The following NEK11 variants were observed in gnomAD, a reference collection of about 807,000 sequenced individuals.
NEK11 encodes the protein serine/threonine-protein kinase Nek11.
Under a neutral mutation model 80.7 loss-of-function variants are expected in NEK11, and 72 were observed. The ratio of observed to expected loss-of-function variants is 0.89; its 90% CI spans 0.74 to 1.08. NEK11 has a LOEUF of 1.08. Among genes scored for constraint, NEK11 ranks in the 50% least tolerant of loss-of-function variants. NEK11 has a pLI of 0.00. For synonymous variants in NEK11, 251 were observed against 260.7 expected (o/e 0.96, Z 0.36); for missense variants, 764 against 763.6 (o/e 1.00, Z -0.01).
intron 5 of NEK11, among the ~76,000 whole-genome samples, chr3:131,122,815 C>T (rs576837691): frequency 1.3e-5 from 2 of 149,440 alleles, no homozygotes; most frequent in Non-Finnish European, 2.9e-5. Flanking sequence ...TAGCATGGGC[C>T]CTGGATGCTG....
intron 7 of NEK11, among the ~76,000 whole-genome samples, chr3:131,139,326 C>A (rs2086323385): frequency 7.7e-6 from 1 of 130,098 alleles, no homozygotes; most frequent in African/African-American, 2.8e-5. Context: ...TTGGAAAATA[C>A]ACAGTCAGAG....
intron 14 of NEK11, among the ~76,000 whole-genome samples, chr3:131,218,321 C>T (rs1028289063): frequency 6.6e-6 from 1 of 152,076 alleles, no homozygotes; most frequent in Non-Finnish European, 1.5e-5. Context: ...ATAAAAGGAG[C>T]TGAGCAAGGA....
rs556455370 is a variant in NEK11 at position 131,142,585 on chromosome 3, A to T, written c.647+8629A>T. ...GTGGCTGAGTAAATAACAGTTGGTT[A>T]TGTAAGGATGCTTTGATCATTGTTT... On this transcript the variant is annotated intron_variant, in intron 7 of 17. Coordinates refer to ENST00000383366, the MANE Select transcript of NEK11 (RefSeq NM_024800.5). Among the ~76,000 whole-genome samples the T allele has an allele frequency of 3.4e-4, 52 of 152,324 alleles. 1 individual carries two copies. The South Asian group carries it at 8.5e-3, about 25-fold the overall frequency.
chr3:131,171,192 A>G (rs1198111596), intron 14 of NEK11, among the ~76,000 whole-genome samples: 1 of 152,090 alleles, frequency 6.6e-6, no homozygotes, highest in Non-Finnish European at 1.5e-5. Context: ...AACTCCGAAT[A>G]CTCTGGAGCA....
At chr3:131,139,136 C>T (rs2086274701) in intron 7 of NEK11, among the ~76,000 whole-genome samples, 1 of 151,822 alleles carries the variant, frequency 6.6e-6, no homozygotes, top group South Asian at 2.1e-4. Context: ...TTCAAGATAA[C>T]ACAGAGAAGG....
chr3:131,093,573 C>T (rs1161273033), intron 4 of NEK11, among the ~76,000 whole-genome samples: 5 of 152,108 alleles, frequency 3.3e-5, no homozygotes, highest in South Asian at 2.1e-4. Flanking sequence ...TGTGCCACCA[C>T]GCTTGGCTAA....
chr3:131,233,112 T>G (rs1580617610), intron 15 of NEK11, among the ~76,000 whole-genome samples: 3 of 145,514 alleles, frequency 2.1e-5, no homozygotes, highest in Admixed American at 6.9e-5. Context: ...GGAAGGAAGG[T>G]AGGGAAGGAG....
chr3:131,335,624 T>C (rs1445688364), intron 17 of NEK11, among the ~76,000 whole-genome samples: 1 of 151,972 alleles, frequency 6.6e-6, no homozygotes, highest in Non-Finnish European at 1.5e-5. Context: ...CCAGGGCAAT[T>C]AGGCAGCAGA....
At chr3:131,227,702 C>T (rs1357056028) in intron 14 of NEK11, among the ~76,000 whole-genome samples, 3 of 152,050 alleles carry the variant, frequency 2.0e-5, no homozygotes, top group South Asian at 4.1e-4. Context: ...CTAATTTTCT[C>T]CTCCCCCAGC....
chr3:131,209,253 G>A (rs2094536839), intron 14 of NEK11, among the ~76,000 whole-genome samples: 1 of 152,080 alleles, frequency 6.6e-6, no homozygotes, highest in Admixed American at 6.5e-5. Context: ...TTTGTCTTTG[G>A]TTCTGTTTAT....
chr3:131,317,341 G>A (rs2096850698), intron 17 of NEK11, among the ~76,000 whole-genome samples: 1 of 152,196 alleles, frequency 6.6e-6, no homozygotes. Flanking sequence ...TGGTATGAGT[G>A]CAGCAGCTGT....
chr3:131,232,979 G>GGGAAGGAAGGAAGGAA (rs55987547), intron 15 of NEK11, among the ~76,000 whole-genome samples: 48 of 132,738 alleles, frequency 3.6e-4, no homozygotes, highest in East Asian at 6.8e-4. Context: ...TATATTTGAG[G>GGGAAGGAAGGAAGGAA]GGAAGGAAGG....
rs543737905 is a variant in NEK11, at chr3:131,194,725, C to T, written c.1399+23838C>T. Among the ~76,000 whole-genome samples the T allele has an allele frequency of 9.8e-4, 149 of 151,588 alleles. No individual in the cohort carries two copies. In the South Asian group the frequency reaches 0.015, roughly 16 times the overall value. ...TTTATTAAATACAAAATATATTTTCCCCTTTTATTTTTCTAAGAAACTGTC... is the reference window on the plus strand; with the variant it reads ...TTTATTAAATACAAAATATATTTTCTCCTTTTATTTTTCTAAGAAACTGTC... On this transcript the variant is annotated intron_variant, in intron 14 of 17. Coordinates refer to ENST00000383366, the MANE Select transcript of NEK11 (RefSeq NM_024800.5).
chr3:131,148,987 T>C (rs1011638245), intron 7 of NEK11, among the ~76,000 whole-genome samples: 1 of 152,054 alleles, frequency 6.6e-6, no homozygotes, highest in African/African-American at 2.4e-5. Context: ...TTTCTTTGTG[T>C]TGGGAACATT....
intron 17 of NEK11, among the ~76,000 whole-genome samples, chr3:131,332,164 C>T (rs1255417591): frequency 6.6e-6 from 1 of 152,238 alleles, no homozygotes; most frequent in Non-Finnish European, 1.5e-5. Context: ...ACTGCCTCCT[C>T]AAGTGGGTCC....
At chr3:131,183,701 T>A (rs2093473213) in intron 14 of NEK11, among the ~76,000 whole-genome samples, 1 of 152,256 alleles carries the variant, frequency 6.6e-6, no homozygotes, top group African/African-American at 2.4e-5. Context: ...GACATTTGGG[T>A]TGATTCCATG....
chr3:131,057,120 G>A (rs1335580105), intron 3 of NEK11, among the ~76,000 whole-genome samples: 1 of 141,720 alleles, frequency 7.1e-6, no homozygotes, highest in Non-Finnish European at 1.5e-5. Context: ...TCCCATCTAT[G>A]AGTGAGAACA....
At chr3:131,331,937 T>C (rs1391827313) in intron 17 of NEK11, among the ~76,000 whole-genome samples, 1 of 152,232 alleles carries the variant, frequency 6.6e-6, no homozygotes, top group Non-Finnish European at 1.5e-5. Flanking sequence ...TGCCCAGGCT[T>C]GCTTAGGTAA....
intron 17 of NEK11, among the ~76,000 whole-genome samples, chr3:131,321,000 A>G (rs1220226829): frequency 1.3e-5 from 2 of 152,182 alleles, no homozygotes; most frequent in African/African-American, 2.4e-5. Flanking sequence ...GGAAAAAACT[A>G]TTATAAAATT....
Sources: gnomAD v4.1 joint callset for allele counts (sites outside exome capture counted in the v4.1 genomes callset) on GRCh38, gnomAD v4.1.1 for gene constraint, MANE v1.5 for transcripts, NCBI Gene and HGNC (gene_info 2026-07-23, HGNC 2026-07-21) for gene names.